Variants in LAMA2 observed in about 807,000 individuals in gnomAD.
The protein encoded by LAMA2 is laminin subunit alpha-2.
A neutral mutation model predicts 364.8 loss-of-function variants in LAMA2; 269 were observed. The observed-to-expected ratio is 0.74, with a 90% CI of 0.67 to 0.82. The LOEUF (loss-of-function observed/expected upper bound fraction) is 0.82. Among genes scored for constraint, LAMA2 ranks in the 40% least tolerant of loss-of-function variants. The pLI is 0.00. For missense variants in LAMA2, 3,807 were observed against 3,873.2 expected, an observed-to-expected ratio of 0.98 and a Z score of 0.45; for synonymous variants, 1,379 against 1,370.6, an observed-to-expected ratio of 1.01 and a Z score of -0.14.
chr6:129,400,696 A>G (rs6907500), intron 37 of LAMA2, among the ~76,000 whole-genome samples: 76,752 of 152,042 alleles, frequency 0.5, 19,860 homozygotes, highest in African/African-American at 0.62. Context: ...ATTATAATCT[A>G]TTCTCTCATG....
chr6:129,314,466 A>G (rs1774446507), intron 23 of LAMA2, among the ~76,000 whole-genome samples, 189 bp from the exon 24 acceptor site: 1 of 151,100 alleles, frequency 6.6e-6, no homozygotes, highest in Non-Finnish European at 1.5e-5. Flanking sequence ...AAGCATTTTT[A>G]AAAGATCCAT....
intron 40 of LAMA2, among the ~76,000 whole-genome samples, chr6:129,420,025 T>A (rs1780996587): frequency 6.6e-6 from 1 of 152,120 alleles, no homozygotes; most frequent in Non-Finnish European, 1.5e-5. Flanking sequence ...TTATGTCTAT[T>A]ATAGAAAATA....
Position 129,146,974 on chromosome 6 carries a change from A to C in LAMA2, c.835A>C (p.Lys279Gln). ...IVTRRYYYSV[K>Q]DISVGGMCIC... ...CTTTTTGCAGTATTACTACTCGGTC[A>C]AGGATATTTCAGTTGGAGGGATGTG... Residue 279 changes from lysine to glutamine, a missense_variant, in exon 6 of 65, where the codon AAG becomes CAG. Lys to Gln is a moderately conservative substitution (Grantham distance 53). Around this residue, in one of 3 missense-constraint regions of LAMA2, gnomAD observed 394 missense variants for 403.5 expected, o/e 0.98. Coordinates refer to ENST00000421865, the MANE Select transcript of LAMA2 (RefSeq NM_000426.4). 1.2e-6 allele frequency: 2 copies of C among 1,610,150 alleles called. No individual in the cohort carries two copies.
intron 3 of LAMA2, among the ~76,000 whole-genome samples, chr6:129,082,311 A>C (rs1307415462): frequency 6.6e-6 from 1 of 152,052 alleles, no homozygotes; most frequent in Non-Finnish European, 1.5e-5. Flanking sequence ...TACTTTCTTA[A>C]TTATATTCTC....
At chr6:129,278,913 A>G (rs1562408162) in intron 17 of LAMA2, among the ~76,000 whole-genome samples, 1 of 152,310 alleles carries the variant, frequency 6.6e-6, no homozygotes, top group East Asian at 1.9e-4. Context: ...CCAGAGAAAT[A>G]CTATTCAGAA....
chr6:128,990,342 C>T (rs1370486715), intron 1 of LAMA2, among the ~76,000 whole-genome samples: 1 of 152,138 alleles, frequency 6.6e-6, no homozygotes, highest in African/African-American at 2.4e-5. Flanking sequence ...TTCTAACTCA[C>T]AGGAATAAAA....
rs569961806 is a variant in LAMA2, at chr6:129,512,278, A to G, written c.8858-85A>G. 259 of 1,308,768 alleles carry G rather than the reference A, an allele frequency of 2.0e-4. 2 individuals carry two copies. In the African/African-American group the frequency reaches 2.8e-3, roughly 14 times the overall value. 81.1% of individuals were successfully genotyped at this position (1,308,768 alleles called of 1,614,324 possible). Reference sequence around the variant, plus strand: ...AATTAGCTAGCATTTGAATTGAAATATAATAAAAAGTCATGCATTGTACAC... The same window carrying G: ...AATTAGCTAGCATTTGAATTGAAATGTAATAAAAAGTCATGCATTGTACAC... On this transcript the variant is annotated intron_variant, in intron 62 of 64. Coordinates refer to ENST00000421865, the MANE Select transcript of LAMA2 (RefSeq NM_000426.4).
chr6:129,256,382 A>T (rs1786661686), intron 14 of LAMA2, among the ~76,000 whole-genome samples: 1 of 152,172 alleles, frequency 6.6e-6, no homozygotes, highest in Admixed American at 6.6e-5. Context: ...AATAGTAGAC[A>T]GTAAGTAGTA....
intron 14 of LAMA2, among the ~76,000 whole-genome samples, chr6:129,254,851 T>C (rs1224045402): frequency 6.6e-6 from 1 of 152,194 alleles, no homozygotes; most frequent in Non-Finnish European, 1.5e-5. Context: ...AAGGCTTTTA[T>C]GAAGCACCTA....
At chr6:129,280,778 A>G (rs534766651) in intron 18 of LAMA2, among the ~76,000 whole-genome samples, 3 of 152,302 alleles carry the variant, frequency 2.0e-5, no homozygotes. Flanking sequence ...ATTCAGCCTC[A>G]GCATAAAAGT....
rs913866828 is a variant in LAMA2, at chr6:129,514,690, T to G, written c.9211+95T>G. On this transcript the variant is annotated intron_variant, in intron 64 of 64. Coordinates refer to ENST00000421865, the MANE Select transcript of LAMA2 (RefSeq NM_000426.4). Reference sequence around the variant, plus strand: ...TTACGTGTGTCTAAGAATGTGTGCTTATGTGTACTTGCTTCCTAGCTTTAG... The same window carrying G: ...TTACGTGTGTCTAAGAATGTGTGCTGATGTGTACTTGCTTCCTAGCTTTAG... The G allele has an allele frequency of 8.3e-6, 8 of 963,496 alleles. No homozygotes were observed. The African/African-American group carries it at 1.1e-4, about 14-fold the overall frequency. 59.7% of individuals were successfully genotyped at this position (963,496 alleles called of 1,614,324 possible). A position where few individuals can be genotyped will look rare whatever the true frequency, so the allele number is the denominator to read the frequency against.
intron 1 of LAMA2, among the ~76,000 whole-genome samples, chr6:128,894,424 T>C (rs4418211): frequency 0.4 from 61,569 of 152,092 alleles, 15,941 homozygotes; most frequent in African/African-American, 0.74. Context: ...TTTGTAAGTT[T>C]CTGTAGTTAT....
At chr6:129,262,964 T>C (rs1356744426) in intron 15 of LAMA2, among the ~76,000 whole-genome samples, 1 of 152,184 alleles carries the variant, frequency 6.6e-6, no homozygotes. Context: ...TCTACTTGAC[T>C]TCTTGTGAAG....
rs148729095 is a variant in LAMA2, at chr6:129,305,735, T to C, written c.3174+4863T>C. On this transcript the variant is annotated intron_variant, in intron 22 of 64. Coordinates refer to ENST00000421865, the MANE Select transcript of LAMA2 (RefSeq NM_000426.4). ...TGGCCTTTTAATTTGAGGAGTTAAA[T>C]CATTTCCACTTAATGTAAATATTGG... 7.3e-4 allele frequency among the ~76,000 whole-genome samples: 111 copies of C among 152,272 alleles called. 1 individual carries two copies. Among genetic ancestry groups the C allele is most frequent in the African/African-American group, 2.6e-3 (106 of 41,552 alleles).
intron 58 of LAMA2, among the ~76,000 whole-genome samples, chr6:129,497,801 A>G (rs1013541930): frequency 6.6e-6 from 1 of 152,218 alleles, no homozygotes; most frequent in Non-Finnish European, 1.5e-5. Context: ...GATTATGTCA[A>G]TCTTATGATT....
chr6:128,908,716 A>G (rs1405347998), intron 1 of LAMA2, among the ~76,000 whole-genome samples: 2 of 141,252 alleles, frequency 1.4e-5, no homozygotes, highest in Non-Finnish European at 3.1e-5. Flanking sequence ...TAGTTCTTTT[A>G]ATTGTGATGT....
chr6:129,384,423 A>G (rs1388102584), intron 35 of LAMA2, among the ~76,000 whole-genome samples: 2 of 152,098 alleles, frequency 1.3e-5, no homozygotes, highest in African/African-American at 4.8e-5. Context: ...CAAACACCCA[A>G]CACCTAGCAG....
intron 59 of LAMA2, 104 bp downstream of exon 59, chr6:129,502,875 G>T: frequency 1.1e-6 from 1 of 914,764 alleles, no homozygotes. Context: ...AATGAAGTTA[G>T]CTTTTCTTTT....
Position 129,410,504 on chromosome 6 carries a change from C to A in LAMA2, c.5865+6545C>A, listed in dbSNP as rs79596015. On this transcript the variant is annotated intron_variant, in intron 40 of 64. Coordinates refer to ENST00000421865, the MANE Select transcript of LAMA2 (RefSeq NM_000426.4). ...CTTAATATCTTCTAATCCTGAATTT[C>A]CTTTCTCAATTTGTTTAGTTAGATC... Among the ~76,000 whole-genome samples, 609 of 152,148 alleles carry A rather than the reference C, an allele frequency of 4.0e-3. 2 individuals are homozygous for A. The highest frequency in any genetic ancestry group is 0.013 in the African/African-American group (547 of 41,506).
Sources: gnomAD v4.1 joint callset for allele counts (sites outside exome capture counted in the v4.1 genomes callset) on GRCh38, gnomAD v4.1.1 for gene constraint, gnomAD v4.1.1 regional missense constraint, MANE v1.5 for transcripts, NCBI Gene and HGNC (gene_info 2026-07-23, HGNC 2026-07-21) for gene names.